The following ABR variants were observed in gnomAD, a reference collection of about 807,000 sequenced individuals.
ABR encodes the protein active breakpoint cluster region-related protein.
Under a neutral mutation model 107.2 loss-of-function variants are expected in ABR, and 35 were observed. The ratio of observed to expected loss-of-function variants is 0.33; its 90% CI spans 0.25 to 0.43. The LOEUF (loss-of-function observed/expected upper bound fraction) is 0.43. Ranked by LOEUF, ABR falls within the 20% of genes least tolerant of loss-of-function variation. The pLI, the probability that ABR is intolerant of heterozygous loss-of-function variation, is 1.00. For synonymous variants in ABR, 498 were observed against 462.0 expected (o/e 1.08, Z -1.00); for missense variants, 815 against 1,115.2 (o/e 0.73, Z 3.83).
intron 3 of ABR, among the ~76,000 whole-genome samples, chr17:1,093,241 G>A (rs1212472244): frequency 6.6e-6 from 1 of 151,950 alleles, no homozygotes. Flanking sequence ...GGCCGAGGCA[G>A]GTAGATCACC....
rs2150719278 is a variant in ABR at position 1,010,539 on chromosome 17, G to T, written c.2236+190C>A. ...AGGGGCAAGAGGCAGGCGAGAAAGG[G>T]CCCAGTGTCTGCACCAGGTCCCAGC... On this transcript the variant is annotated intron_variant, in intron 20 of 22. Transcript: ENST00000302538. The surrounding 1 kb of genome is among the most constrained non-coding windows in gnomAD (Gnocchi z 4.1). The T allele has an allele frequency of 1.4e-6, 1 of 696,808 alleles. No individual in the cohort carries two copies. The highest frequency in any genetic ancestry group is 2.3e-6 in the Non-Finnish European group (1 of 427,768). 43.2% of individuals were successfully genotyped at this position (696,808 alleles called of 1,614,324 possible).
At chr17:1,031,883 C>T (rs2072824611) in intron 16 of ABR, 9 of 1,156,232 alleles carry the variant, frequency 7.8e-6, no homozygotes, top group Non-Finnish European at 9.7e-6. Context: ...CGCTCCCCTC[C>T]CTCCCTCCCT....
chr17:1,185,538 G>A (rs1009895216), intron 1 of ABR, among the ~76,000 whole-genome samples: 2 of 151,494 alleles, frequency 1.3e-5, no homozygotes, highest in Middle Eastern at 3.4e-3. Context: ...CCAGCTACTC[G>A]GGAGACTGAG....
At chr17:1,182,216 C>T (rs1458140279), upstream of ABR, 1 of 152,108 alleles carries the variant, frequency 6.6e-6, no homozygotes, top group Admixed American at 6.6e-5. Context: ...CGTTCACTAG[C>T]GTGATCTCAC....
In ABR at chr17:1,071,160, T is replaced by C. The variant is rs1176410082; in HGVS notation, c.895-1070A>G. 6.6e-6 allele frequency among the ~76,000 whole-genome samples: 1 copy of C among 151,986 alleles called. No individual in the cohort carries two copies. The highest frequency in any genetic ancestry group is 1.5e-5 in the Non-Finnish European group (1 of 67,982). The stretch of plus-strand genomic sequence containing the variant: ...GCCTGGACGATGGAATGAGATTCAG[T>C]CTCAAAAAAAGGATGACTGAAAACG... On this transcript the variant is annotated intron_variant, in intron 8 of 22. Coordinates refer to ENST00000302538, the MANE Select transcript of ABR (RefSeq NM_021962.5). The surrounding 1 kb of genome is among the most constrained non-coding windows in gnomAD (Gnocchi z 5.1).
intron 4 of ABR, among the ~76,000 whole-genome samples, chr17:1,090,914 T>C (rs2036980145): frequency 6.6e-6 from 1 of 152,058 alleles, no homozygotes; most frequent in Admixed American, 6.5e-5. Flanking sequence ...GAGTCTGACC[T>C]GGGGGTCCTC....
intron 1 of ABR, among the ~76,000 whole-genome samples, chr17:1,135,420 A>T: frequency 7.3e-6 from 1 of 136,326 alleles, no homozygotes; most frequent in African/African-American, 2.8e-5. Context: ...CTTGTTGCCC[A>T]GGCTGGAGCG....
At chr17:1,106,572 C>CAGGCTGGA (rs1474098944) in intron 2 of ABR, among the ~76,000 whole-genome samples, 12 of 150,128 alleles carry the variant, frequency 8.0e-5, no homozygotes, top group African/African-American at 3.0e-4. Flanking sequence ...CCCTGTCGCC[C>CAGGCTGGA]AGGCTGGAAT....
chr17:1,012,923 A>G (rs1431489504), intron 17 of ABR, 126 bp from the exon 18 acceptor site: 8 of 1,061,134 alleles, frequency 7.5e-6, no homozygotes, highest in Non-Finnish European at 1.1e-5. Context: ...GTCTCCCTCA[A>G]CACAACACCT....
rs775885012 is a variant in ABR at position 1,006,076 on chromosome 17, C to T, written c.*4G>A. 3.1e-5 allele frequency: 48 copies of T among 1,561,188 alleles called. No homozygotes were observed. Among genetic ancestry groups the T allele is most frequent in the South Asian group, 2.0e-4 (17 of 84,804 alleles). Reference sequence around the variant, plus strand: ...CCACCCGCCCGCAGCCACCCTGCCTCGGGCTACACGTCGGTGGAGAAGTAC... The same window carrying T: ...CCACCCGCCCGCAGCCACCCTGCCTTGGGCTACACGTCGGTGGAGAAGTAC... On this transcript the variant is annotated 3_prime_UTR_variant, in exon 23 of 23. Coordinates refer to ENST00000302538, the MANE Select transcript of ABR (RefSeq NM_021962.5).
At chr17:1,049,000 GCTCCACCACGTCACGC>G (rs1443038806) in intron 16 of ABR, among the ~76,000 whole-genome samples, 2 of 152,148 alleles carry the variant, frequency 1.3e-5, no homozygotes, top group Non-Finnish European at 2.9e-5. Flanking sequence ...AGTGTGAGCG[GCTCCACCACGTCACGC>G]CTTTTCCCGC....
chr17:1,159,278 ACGGG>A (rs1473710251), intron 1 of ABR, among the ~76,000 whole-genome samples: 1 of 68,554 alleles, frequency 1.5e-5, no homozygotes, highest in African/African-American at 6.9e-5. Context: ...GTACTCACAC[ACGGG>A]AGAGGTAAGA....
At position 1,179,185 on chromosome 17, in the gene ABR, A is replaced by G. The variant is rs1043649689; in HGVS notation, c.61+482T>C. 7.3e-6 allele frequency among the ~76,000 whole-genome samples: 1 copy of G among 136,296 alleles called. No homozygotes were observed. Among genetic ancestry groups the G allele is most frequent in the Non-Finnish European group, 1.6e-5 (1 of 60,744 alleles). The allele number at this position is 136,296 out of a possible 152,430, so 89.4% of individuals were successfully genotyped here. A position where few individuals can be genotyped will look rare whatever the true frequency, so the allele number is the denominator to read the frequency against. ...CCCAGCACCGAACCCCTGGGCCCTG[A>G]ACCACACATGACCCGGTGCCCCTGG... On this transcript the variant is annotated intron_variant, in intron 1 of 22. Coordinates refer to ENST00000302538, the MANE Select transcript of ABR (RefSeq NM_021962.5). The surrounding 1 kb of genome is among the most constrained non-coding windows in gnomAD (Gnocchi z 4.9).
intron 1 of ABR, among the ~76,000 whole-genome samples, chr17:1,207,092 CA>C (rs35755968): frequency 5.1e-5 from 5 of 97,984 alleles, no homozygotes; most frequent in African/African-American, 1.4e-4. Flanking sequence ...TCAAAACAAA[CA>C]AAAAAAAAAG....
At chr17:1,125,793 T>G in intron 1 of ABR, 1 of 202,354 alleles carries the variant, frequency 4.9e-6, no homozygotes. Flanking sequence ...TCGATGTCAC[T>G]TCCTGTGGCC....
At chr17:1,142,846 A>G (rs1030674663) in intron 1 of ABR, among the ~76,000 whole-genome samples, 3 of 152,130 alleles carry the variant, frequency 2.0e-5, no homozygotes, top group African/African-American at 7.2e-5. Context: ...TGTAGCAGCC[A>G]CTGGGAGCAC....
rs2069807650 is a variant in ABR at position 1,003,522 on chromosome 17, G to A, written c.*2558C>T. The A allele has an allele frequency of 6.6e-6, 1 of 152,634 alleles. No individual in the cohort carries two copies. Among genetic ancestry groups the A allele is most frequent in the Non-Finnish European group, 1.5e-5 (1 of 68,042 alleles). The allele number at this position is 152,634 out of a possible 1,614,324, so 9.5% of individuals were successfully genotyped here. A position where few individuals can be genotyped will look rare whatever the true frequency, so the allele number is the denominator to read the frequency against. Reference sequence around the variant, plus strand: ...ACAAACATCCACACCACAGGGCTGAGTTTTGTGCAAATGATGGGGCTTTGC... The same window carrying A: ...ACAAACATCCACACCACAGGGCTGAATTTTGTGCAAATGATGGGGCTTTGC... On this transcript the variant is annotated 3_prime_UTR_variant, in exon 23 of 23. Coordinates refer to ENST00000302538, the MANE Select transcript of ABR (RefSeq NM_021962.5).
intron 2 of ABR, chr17:1,108,833 C>G (rs1363058155): frequency 5.2e-6 from 7 of 1,358,348 alleles, no homozygotes; most frequent in African/African-American, 1.6e-5. Flanking sequence ...AGGGCTTCCA[C>G]CCGGCCGCGC....
At chr17:1,188,633 A>G (rs1349462656), upstream of ABR, among the ~76,000 whole-genome samples, 4 of 152,148 alleles carry the variant, frequency 2.6e-5, no homozygotes, top group Non-Finnish European at 5.9e-5. Context: ...AAAATGTCCT[A>G]CAGGACTTGC....
Sources: allele counts gnomAD v4.1 joint callset (sites outside exome capture counted in the v4.1 genomes callset), GRCh38; gene constraint gnomAD v4.1.1; non-coding constraint Gnocchi (gnomAD v3.1); transcripts MANE v1.5; gene names NCBI Gene and HGNC (gene_info 2026-07-23, HGNC 2026-07-21).